The following UBE3C variants were observed in gnomAD, a reference collection of about 807,000 sequenced individuals.
UBE3C encodes ubiquitin-protein ligase E3C.
In UBE3C, 42 loss-of-function variants were observed where a neutral mutation model predicts 129.4. The observed-to-expected ratio is 0.32, with a 90% CI of 0.25 to 0.42. The LOEUF is 0.42. Among genes scored for constraint, UBE3C ranks in the 10% least tolerant of loss-of-function variants. The pLI, the probability that UBE3C is intolerant of heterozygous loss-of-function variation, is 1.00. For synonymous variants in UBE3C, 510 were observed against 492.4 expected, an observed-to-expected ratio of 1.04 and a Z score of -0.47; for missense variants, 1,049 against 1,319.1, an observed-to-expected ratio of 0.80 and a Z score of 3.17.
At chr7:157,242,489 G>A (rs1202191380) in intron 18 of UBE3C, among the ~76,000 whole-genome samples, 3 of 147,104 alleles carry the variant, frequency 2.0e-5, no homozygotes, top group Non-Finnish European at 4.4e-5. Flanking sequence ...GGTTATGTGG[G>A]GTACCTTGAG....
intron 13 of UBE3C, among the ~76,000 whole-genome samples, chr7:157,208,394 A>G (rs1809499834): frequency 1.6e-5 from 2 of 122,790 alleles, no homozygotes; most frequent in African/African-American, 6.6e-5. Context: ...TTTTTAATTA[A>G]GAAAAGTAAT....
chr7:157,158,027 C>A (rs1416177350), intron 1 of UBE3C, among the ~76,000 whole-genome samples: 1 of 149,678 alleles, frequency 6.7e-6, no homozygotes, highest in Non-Finnish European at 1.5e-5. Flanking sequence ...CATGGTGAGA[C>A]CCAATCTGTA....
intron 8 of UBE3C, among the ~76,000 whole-genome samples, chr7:157,182,898 G>A (rs1473527802): frequency 2.0e-5 from 3 of 151,968 alleles, no homozygotes; most frequent in Non-Finnish European, 4.4e-5. Context: ...ACAGGTGCAC[G>A]CCACCACACC....
At chr7:157,183,837 A>G in intron 8 of UBE3C, 41 bp from the exon 9 acceptor site, 3 of 1,573,296 alleles carry the variant, frequency 1.9e-6, no homozygotes, top group Non-Finnish European at 2.6e-6. Flanking sequence ...TTAAAAAATA[A>G]TGTTTAACTA....
chr7:157,148,731 CT>C (rs58138213), intron 1 of UBE3C, among the ~76,000 whole-genome samples: 582 of 131,704 alleles, frequency 4.4e-3, no homozygotes, highest in Middle Eastern at 0.012. Context: ...CAAATTAGTT[CT>C]TTTTTTTTTT....
intron 2 of UBE3C, 32 bp from the exon 3 acceptor site, chr7:157,169,016 A>G (rs746947468): frequency 3.8e-6 from 6 of 1,577,992 alleles, no homozygotes; most frequent in Non-Finnish European, 4.4e-6. Context: ...ATTCTGACCA[A>G]TTGCTCCCTC....
In UBE3C at chr7:157,248,586, G is replaced by A; in HGVS notation, c.2694+6G>A. Reference sequence around the variant, plus strand: ...ATGACCTGGGAGAGGCGCAGGTGAGGGGTCAGGAGGAGGATTCACATACCT... The same window carrying A: ...ATGACCTGGGAGAGGCGCAGGTGAGAGGTCAGGAGGAGGATTCACATACCT... On this transcript the variant is annotated splice_donor_region_variant and intron_variant, in intron 19 of 22. Transcript: ENST00000348165. 1 of 1,612,034 alleles carries A rather than the reference G, an allele frequency of 6.2e-7. No individual in the cohort carries two copies. The highest frequency in any genetic ancestry group is 8.5e-7 in the Non-Finnish European group (1 of 1,179,838).
In UBE3C at chr7:157,184,041, G is replaced by T; in HGVS notation, c.1143+12G>T. ...AGCCCTCAAGCCCGGTAAGCCCCGT[G>T]CCCTGCATCTGGGGGGCTGCGATGC... On this transcript the variant is annotated intron_variant, in intron 9 of 22. Transcript: ENST00000348165. 1 of 1,612,450 alleles carries T rather than the reference G, an allele frequency of 6.2e-7. No individual in the cohort carries two copies. The highest frequency in any genetic ancestry group is 8.5e-7 in the Non-Finnish European group (1 of 1,178,832).
chr7:157,204,398 CAA>C (rs35298527), intron 11 of UBE3C, among the ~76,000 whole-genome samples: 76 of 86,316 alleles, frequency 8.8e-4, no homozygotes, highest in South Asian at 1.3e-3. Context: ...AACTTTGTTT[CAA>C]AAAAAAAAAA....
intron 10 of UBE3C, 74 bp from the exon 11 acceptor site, chr7:157,201,647 T>C: frequency 1.5e-6 from 1 of 645,430 alleles, no homozygotes. Flanking sequence ...CTTTTTTTTT[T>C]TTTTTTTTTT....
At chr7:157,229,716 C>T (rs1284664397) in intron 17 of UBE3C, among the ~76,000 whole-genome samples, 1 of 152,142 alleles carries the variant, frequency 6.6e-6, no homozygotes, top group Non-Finnish European at 1.5e-5. Flanking sequence ...CAGCCTCAAA[C>T]TCCTGGGCTC....
intron 18 of UBE3C, among the ~76,000 whole-genome samples, chr7:157,242,774 G>A (rs10233206): frequency 0.041 from 6,195 of 152,044 alleles, 300 homozygotes; most frequent in East Asian, 0.14. Context: ...AGGAAGGGTC[G>A]AGCCAGGTCT....
In UBE3C at chr7:157,244,579, TTTGAAAAGCA is replaced by T. The variant is rs1353413594; in HGVS notation, c.2482-3786_2482-3777del. ...CTGCCTGAAGATTGATAGAGATGCA[TTTGAAAAGCA>T]TTATTTTTTTATTGATTCTTAATGT... On this transcript the variant is annotated intron_variant, in intron 18 of 22. Coordinates refer to ENST00000348165, the MANE Select transcript of UBE3C (RefSeq NM_014671.3). Among the ~76,000 whole-genome samples the T allele has an allele frequency of 2.0e-5, 3 of 152,206 alleles. No homozygotes were observed. In the East Asian group the frequency reaches 5.8e-4, roughly 29 times the overall value.
At chr7:157,189,211 CTA>C in intron 10 of UBE3C, 2 of 366,876 alleles carry the variant, frequency 5.5e-6, no homozygotes, top group South Asian at 3.0e-4. Flanking sequence ...TCTGAGTACA[CTA>C]TTTTTATATC....
At chr7:157,260,053 C>T (rs1370719895) in intron 22 of UBE3C, among the ~76,000 whole-genome samples, 2 of 151,918 alleles carry the variant, frequency 1.3e-5, no homozygotes, top group Non-Finnish European at 2.9e-5. Flanking sequence ...TAAACTTAAA[C>T]GTGTTAGTGA....
At chr7:157,184,717 ATTT>A (rs907424802) in intron 9 of UBE3C, among the ~76,000 whole-genome samples, 2 of 152,304 alleles carry the variant, frequency 1.3e-5, no homozygotes, top group Middle Eastern at 3.4e-3. Context: ...GGTGAAGTAA[ATTT>A]TTAGAATATT....
Position 157,168,994 on chromosome 7 carries a change from C to A in UBE3C, c.121-54C>A. ...TTTAAAGTCTTTACTAGCAAAATGT[C>A]ATTTTCACTGGATTCTGACCAATTG... On this transcript the variant is annotated intron_variant, in intron 2 of 22. Transcript: ENST00000348165. 2.1e-6 allele frequency: 3 copies of A among 1,446,420 alleles called. No individual in the cohort carries two copies. The South Asian group carries it at 3.5e-5, about 17-fold the overall frequency. 89.6% of individuals were successfully genotyped at this position (1,446,420 alleles called of 1,614,324 possible).
At chr7:157,156,726 AAAAAC>A (rs1283642064) in intron 1 of UBE3C, among the ~76,000 whole-genome samples, 1 of 151,970 alleles carries the variant, frequency 6.6e-6, no homozygotes, top group African/African-American at 2.4e-5. Flanking sequence ...AAAAAAAAAA[AAAAAC>A]ACAAGCTAGA....
chr7:157,158,815 A>T (rs1807988827), intron 1 of UBE3C, among the ~76,000 whole-genome samples: 1 of 152,104 alleles, frequency 6.6e-6, no homozygotes. Context: ...TCTATTGTTG[A>T]TTTTATGACA....
Sources: gnomAD v4.1 joint callset for allele counts (sites outside exome capture counted in the v4.1 genomes callset) on GRCh38, gnomAD v4.1.1 for gene constraint, MANE v1.5 for transcripts, NCBI Gene and HGNC (gene_info 2026-07-23, HGNC 2026-07-21) for gene names.